The following L3MBTL4 variants were observed in gnomAD, a reference collection of about 807,000 sequenced individuals.
L3MBTL4 encodes the protein L3MBTL histone methyl-lysine binding protein 4.
Under a neutral mutation model 84.5 loss-of-function variants are expected in L3MBTL4, and 70 were observed. The ratio of observed to expected loss-of-function variants is 0.83; its 90% CI spans 0.68 to 1.01. L3MBTL4 has a LOEUF of 1.01. Ranked by LOEUF, L3MBTL4 falls within the 50% of genes least tolerant of loss-of-function variation. The pLI is 0.00. For synonymous variants in L3MBTL4, 274 were observed against 259.8 expected (o/e 1.05, Z -0.52); for missense variants, 715 against 754.8 (o/e 0.95, Z 0.62).
At chr18:5,971,338 C>G (rs1422436535) in intron 16 of L3MBTL4, among the ~76,000 whole-genome samples, 2 of 152,152 alleles carry the variant, frequency 1.3e-5, no homozygotes, top group African/African-American at 4.8e-5. Context: ...AGTTAAAGCC[C>G]TGCACTCTTA....
chr18:6,131,612 C>CTA (rs1568173162), intron 14 of L3MBTL4, among the ~76,000 whole-genome samples: 1 of 152,054 alleles, frequency 6.6e-6, no homozygotes, highest in Non-Finnish European at 1.5e-5. Context: ...AATAGTACAC[C>CTA]TAGGAATCTG....
At chr18:6,281,319 G>C (rs900338180) in intron 4 of L3MBTL4, among the ~76,000 whole-genome samples, 3 of 152,182 alleles carry the variant, frequency 2.0e-5, no homozygotes, top group Admixed American at 6.5e-5. Flanking sequence ...TCTTTGAGCT[G>C]ATGTTCAGGG....
intron 16 of L3MBTL4, among the ~76,000 whole-genome samples, chr18:6,021,190 C>A (rs1373030465): frequency 6.6e-6 from 1 of 152,162 alleles, no homozygotes; most frequent in Non-Finnish European, 1.5e-5. Context: ...TCAGTGGGCA[C>A]CTTGACAGCA....
intron 16 of L3MBTL4, among the ~76,000 whole-genome samples, chr18:6,016,232 C>T (rs116516931): frequency 0.012 from 1,847 of 152,166 alleles, 31 homozygotes; most frequent in African/African-American, 0.042. Flanking sequence ...AGCAGGGGCA[C>T]GGATGGAGCC....
intron 1 of L3MBTL4, among the ~76,000 whole-genome samples, chr18:6,347,698 T>A (rs1008211720): frequency 2.0e-5 from 3 of 151,966 alleles, no homozygotes; most frequent in African/African-American, 7.2e-5. Flanking sequence ...ATCATAGATC[T>A]GCAGCAAACA....
At chr18:5,964,351 G>A (rs1227289369) in intron 17 of L3MBTL4, among the ~76,000 whole-genome samples, 3 of 152,182 alleles carry the variant, frequency 2.0e-5, no homozygotes, top group South Asian at 4.1e-4. Flanking sequence ...CAGGACTCAT[G>A]TTCTTCCGTG....
At chr18:6,114,034 T>G (rs970556005) in intron 14 of L3MBTL4, among the ~76,000 whole-genome samples, 6 of 152,234 alleles carry the variant, frequency 3.9e-5, no homozygotes, top group Non-Finnish European at 7.3e-5. Flanking sequence ...TGCCAAGAAC[T>G]GTTGTAGGCA....
intron 1 of L3MBTL4, among the ~76,000 whole-genome samples, chr18:6,401,606 C>T (rs1335405524): frequency 6.6e-6 from 1 of 152,192 alleles, no homozygotes; most frequent in Admixed American, 6.5e-5. Context: ...TACAGCCAAA[C>T]TATATATGGG....
In L3MBTL4 at chr18:6,243,280, G is replaced by T. The variant is rs1417655362; in HGVS notation, c.460+14C>A. 7 of 1,514,540 alleles carry T rather than the reference G, an allele frequency of 4.6e-6. No individual in the cohort carries two copies. The highest frequency in any genetic ancestry group is 5.3e-6 in the Non-Finnish European group (6 of 1,131,810). 93.8% of individuals were successfully genotyped at this position (1,514,540 alleles called of 1,614,324 possible). On this transcript the variant is annotated intron_variant, in intron 7 of 18. Transcript: ENST00000317931. Reference sequence around the variant, plus strand: ...TTGATTCTCTTTCCAGTTGGTAAATGTATCCTGGCTTACCCTTAGGGATGT... The same window carrying T: ...TTGATTCTCTTTCCAGTTGGTAAATTTATCCTGGCTTACCCTTAGGGATGT...
intron 16 of L3MBTL4, among the ~76,000 whole-genome samples, chr18:6,040,313 A>C (rs1293783968): frequency 6.6e-6 from 1 of 152,188 alleles, no homozygotes; most frequent in Non-Finnish European, 1.5e-5. Flanking sequence ...CAATATCCAG[A>C]AGCACTTTTG....
intron 1 of L3MBTL4, among the ~76,000 whole-genome samples, chr18:6,340,273 C>T (rs530870940): frequency 1.6e-4 from 25 of 152,184 alleles, no homozygotes; most frequent in African/African-American, 6.0e-4. Context: ...TTGTGAGAAC[C>T]CCAGAGTCTA....
In L3MBTL4 at chr18:6,032,613, A is replaced by C. The variant is rs1224473316; in HGVS notation, c.1444+48268T>G. Among the ~76,000 whole-genome samples the C allele has an allele frequency of 7.2e-5, 11 of 152,130 alleles. No homozygotes were observed. In the East Asian group the frequency reaches 1.9e-3, roughly 27 times the overall value. ...TTAAGTATATAGTTCAGTGGTATTA[A>C]ATACATCCCTAATGTTATGCAACCA... On this transcript the variant is annotated intron_variant, in intron 16 of 18. Transcript: ENST00000317931.
intron 14 of L3MBTL4, among the ~76,000 whole-genome samples, chr18:6,137,125 T>C (rs1302941744): frequency 6.6e-6 from 1 of 152,210 alleles, no homozygotes; most frequent in African/African-American, 2.4e-5. Context: ...AAGAATTGAG[T>C]TACTGCAGAC....
chr18:6,076,284 G>A (rs2057853764), intron 16 of L3MBTL4, among the ~76,000 whole-genome samples: 1 of 152,204 alleles, frequency 6.6e-6, no homozygotes, highest in African/African-American at 2.4e-5. Context: ...ATGTAGCAAT[G>A]AGAATAAGCA....
At chr18:5,990,500 C>T (rs551094079) in intron 16 of L3MBTL4, among the ~76,000 whole-genome samples, 1 of 152,222 alleles carries the variant, frequency 6.6e-6, no homozygotes, top group South Asian at 2.1e-4. Context: ...ATTTCACCTC[C>T]AAACAAATGG....
chr18:5,995,701 C>T (rs1015743696), intron 16 of L3MBTL4, among the ~76,000 whole-genome samples: 1 of 152,092 alleles, frequency 6.6e-6, no homozygotes, highest in African/African-American at 2.4e-5. Flanking sequence ...TCTAAGAACT[C>T]GTGCAGTAAA....
At chr18:6,247,320 C>T (rs929223077) in intron 5 of L3MBTL4, among the ~76,000 whole-genome samples, 21 of 152,186 alleles carry the variant, frequency 1.4e-4, no homozygotes, top group Admixed American at 1.3e-3. Context: ...CATACACCGC[C>T]TGCAAAGCAG....
chr18:6,205,787 T>C (rs184888778), intron 12 of L3MBTL4, among the ~76,000 whole-genome samples: 70 of 152,308 alleles, frequency 4.6e-4, no homozygotes, highest in Middle Eastern at 6.8e-3. Context: ...TGGTTAAAAA[T>C]AGAGTGCCTA....
At chr18:6,004,997 ATTTTTTTTTT>A (rs60294342) in intron 16 of L3MBTL4, among the ~76,000 whole-genome samples, 20 of 52,158 alleles carry the variant, frequency 3.8e-4, no homozygotes, top group Non-Finnish European at 5.2e-4. Context: ...TAAGATGATA[ATTTTTTTTTT>A]TTTTTTTTTT....
Sources: allele counts gnomAD v4.1 joint callset (sites outside exome capture counted in the v4.1 genomes callset), GRCh38; gene constraint gnomAD v4.1.1; transcripts MANE v1.5; gene names NCBI Gene and HGNC (gene_info 2026-07-23, HGNC 2026-07-21).